PCDHGB6: variants seen among roughly 807,000 people sequenced by gnomAD.
PCDHGB6 encodes protocadherin gamma-B6.
Under a neutral mutation model 59.1 loss-of-function variants are expected in PCDHGB6, and 51 were observed. The observed-to-expected ratio is 0.86, with a 90% CI of 0.69 to 1.09. The LOEUF (loss-of-function observed/expected upper bound fraction) is 1.09. Ranked by LOEUF, PCDHGB6 falls within the 50% of genes least tolerant of loss-of-function variation. The pLI is 0.00. For synonymous variants in PCDHGB6, 466 were observed against 495.1 expected (o/e 0.94, Z 0.78); for missense variants, 1,148 against 1,205.1 (o/e 0.95, Z 0.70).
intron 1 of PCDHGB6, chr5:141,421,544 A>G (rs2096582597): frequency 6.2e-7 from 1 of 1,613,912 alleles, no homozygotes; most frequent in African/African-American, 1.3e-5. Context: ...TGTTTTTTAA[A>G]TATGGAACTT....
chr5:141,425,015 A>G (rs1285592254), intron 1 of PCDHGB6, among the ~76,000 whole-genome samples: 2 of 152,190 alleles, frequency 1.3e-5, no homozygotes, highest in East Asian at 3.8e-4. Context: ...TCATTTAGGA[A>G]TTTACCTTAT....
chr5:141,473,857 G>A (rs981688765), intron 1 of PCDHGB6, among the ~76,000 whole-genome samples: 1 of 152,164 alleles, frequency 6.6e-6, no homozygotes, highest in Non-Finnish European at 1.5e-5. Context: ...GATGAACCTC[G>A]CTATTGTGGA....
At chr5:141,423,440 C>G in intron 1 of PCDHGB6, 1 of 1,613,970 alleles carries the variant, frequency 6.2e-7, no homozygotes, top group South Asian at 1.1e-5. Context: ...GGTATGCCCA[C>G]GTCACATTTT....
At chr5:141,421,870 G>A in intron 1 of PCDHGB6, 1 of 1,613,758 alleles carries the variant, frequency 6.2e-7, no homozygotes, top group Non-Finnish European at 8.5e-7. Flanking sequence ...CCTCCTCACA[G>A]CTTTAGATGG....
At chr5:141,492,168 A>C (rs1426223836) in intron 1 of PCDHGB6, among the ~76,000 whole-genome samples, 1 of 152,108 alleles carries the variant, frequency 6.6e-6, no homozygotes, top group African/African-American at 2.4e-5. Context: ...CTATCCCCGC[A>C]TCACCCAACC....
rs926566427 is a variant in PCDHGB6, at chr5:141,505,127, A to T, written c.2478-266A>T. Among the ~76,000 whole-genome samples, 9 of 152,158 alleles carry T rather than the reference A, an allele frequency of 5.9e-5. No homozygotes were observed. The East Asian group carries it at 1.5e-3, about 26-fold the overall frequency. The stretch of plus-strand genomic sequence containing the variant: ...CAATGAGCCAAGATCGCGCCACTGC[A>T]CTCCAGCCTGGATGACAGAGTAAGA... On this transcript the variant is annotated intron_variant, in intron 2 of 3. Transcript: ENST00000520790.
At position 141,466,670 on chromosome 5, in the gene PCDHGB6, G is replaced by C. The variant is rs994949602; in HGVS notation, c.2419-28137G>C. On this transcript the variant is annotated intron_variant, in intron 1 of 3. Transcript: ENST00000520790. ...TTCACAAAACATCAGTGATTTCACC[G>C]TTCTTCCACTCAAGCTTCATCATAA... Among the ~76,000 whole-genome samples, 3 of 152,046 alleles carry C rather than the reference G, an allele frequency of 2.0e-5. No homozygotes were observed. The South Asian group carries it at 6.2e-4, about 32-fold the overall frequency.
chr5:141,510,272 TAAA>T (rs546154379), intron 3 of PCDHGB6, among the ~76,000 whole-genome samples: 2 of 130,370 alleles, frequency 1.5e-5, no homozygotes, highest in Non-Finnish European at 3.3e-5. Context: ...GACTCCATCT[TAAA>T]AAAAAAAAAA....
rs142172414 is a variant in PCDHGB6, at chr5:141,477,145, G to A, written c.2419-17662G>A. On this transcript the variant is annotated intron_variant, in intron 1 of 3. Coordinates refer to ENST00000520790, the MANE Select transcript of PCDHGB6 (RefSeq NM_018926.3). The surrounding 1 kb of genome is among the most constrained non-coding windows in gnomAD (Gnocchi z 4.9). ...ATTGCAAAGTGTTGGTGGAGGTTGT[G>A]GATGTGAATGACAACGCCCCGGAGA... The A allele has an allele frequency of 3.7e-6, 6 of 1,614,054 alleles. No homozygotes were observed. The African/African-American group carries it at 8.0e-5, about 22-fold the overall frequency.
intron 3 of PCDHGB6, chr5:141,506,958 A>C (rs529190059): frequency 1.6e-3 from 239 of 152,280 alleles, no homozygotes; most frequent in African/African-American, 5.5e-3. Flanking sequence ...GAATCCTCTC[A>C]ATAGCTCTGC....
At chr5:141,446,891 C>A (rs1457416718) in intron 1 of PCDHGB6, among the ~76,000 whole-genome samples, 1 of 152,152 alleles carries the variant, frequency 6.6e-6, no homozygotes, top group Non-Finnish European at 1.5e-5. Context: ...GGGTTCATGG[C>A]TGAGCTACTT....
In PCDHGB6 at chr5:141,409,742, G is replaced by T. The variant is rs763304955; in HGVS notation, c.1540G>T (p.Val514Leu). Residue 514 changes from valine to leucine, a missense_variant, in exon 1 of 4, where the codon GTG (valine) becomes TTG (leucine). Val to Leu is a conservative substitution (Grantham distance 32, BLOSUM62 1). This residue lies in a region of PCDHGB6 where 549 missense variants were observed against 527.5 expected (regional missense o/e 1.04). Transcript: ENST00000520790. ...YVSVSAQSGV[V>L]FAQRAFDHEQ... ...GTCAGTGAGCGCGCAGAGCGGGGTG[G>T]TGTTCGCGCAGCGCGCCTTTGATCA... 8 of 1,612,988 alleles carry T rather than the reference G, an allele frequency of 5.0e-6. No homozygotes were observed. Among genetic ancestry groups the T allele is most frequent in the African/African-American group, 1.3e-5 (1 of 74,956 alleles).
chr5:141,507,478 C>A (rs933478897), intron 3 of PCDHGB6, among the ~76,000 whole-genome samples: 3 of 152,158 alleles, frequency 2.0e-5, no homozygotes, highest in Non-Finnish European at 4.4e-5. Context: ...GGACTGCTGG[C>A]CTCCTGAGGC....
intron 1 of PCDHGB6, chr5:141,413,290 A>T: frequency 6.2e-7 from 1 of 1,613,924 alleles, no homozygotes; most frequent in Non-Finnish European, 8.5e-7. Context: ...CTCCTACTCA[A>T]TTCCTGAGGA....
At chr5:141,418,147 C>A (rs781655205) in intron 1 of PCDHGB6, 3 of 1,614,040 alleles carry the variant, frequency 1.9e-6, no homozygotes, top group Non-Finnish European at 2.5e-6. Flanking sequence ...AGCAAATATG[C>A]AAAGAGAGAA....
chr5:141,443,385 T>G (rs2098386152), intron 1 of PCDHGB6, among the ~76,000 whole-genome samples: 2 of 151,940 alleles, frequency 1.3e-5, no homozygotes, highest in African/African-American at 4.8e-5. Flanking sequence ...CTTGGGAGGC[T>G]GAGGTGTGAG....
intron 1 of PCDHGB6, among the ~76,000 whole-genome samples, chr5:141,469,739 A>G (rs1352751978): frequency 1.3e-5 from 2 of 152,262 alleles, no homozygotes; most frequent in African/African-American, 4.8e-5. Flanking sequence ...TACACACCTC[A>G]AAAATTACAA....
At chr5:141,506,829 T>C (rs1449718553) in intron 3 of PCDHGB6, among the ~76,000 whole-genome samples, 1 of 152,182 alleles carries the variant, frequency 6.6e-6, no homozygotes, top group African/African-American at 2.4e-5. Context: ...CATGAACTGA[T>C]AGCCCTGCCC....
chr5:141,409,904 G>T lies in PCDHGB6; in HGVS notation c.1702G>T (p.Gly568Cys), dbSNP rs757396196. 10 of 1,613,278 alleles carry T rather than the reference G, an allele frequency of 6.2e-6. No homozygotes were observed. The South Asian group carries it at 1.1e-4, about 18-fold the overall frequency. Residue 568 changes from glycine to cysteine, a missense_variant, in exon 1 of 4, where the codon GGT becomes TGT. Around this residue, in one of 5 missense-constraint regions of PCDHGB6, gnomAD observed 549 missense variants for 527.5 expected, o/e 1.04. Coordinates refer to ENST00000520790, the MANE Select transcript of PCDHGB6 (RefSeq NM_018926.3). Reference protein sequence around the residue: ...NAPRVLYPALGPDGSAFFDMV... With the variant: ...NAPRVLYPALCPDGSAFFDMV... ...ACCGCGGGTGCTGTACCCAGCTCTGGGTCCTGACGGCTCCGCGTTCTTCGA... is the reference window on the plus strand; with the variant it reads ...ACCGCGGGTGCTGTACCCAGCTCTGTGTCCTGACGGCTCCGCGTTCTTCGA...
Sources: gnomAD v4.1 joint callset for allele counts (sites outside exome capture counted in the v4.1 genomes callset) on GRCh38, gnomAD v4.1.1 for gene constraint, gnomAD v4.1.1 regional missense constraint, Gnocchi (gnomAD v3.1) non-coding constraint, MANE v1.5 for transcripts, NCBI Gene and HGNC (gene_info 2026-07-23, HGNC 2026-07-21) for gene names.